The following AHNAK variants were observed in gnomAD, a reference collection of about 807,000 sequenced individuals.
AHNAK encodes the protein AHNAK nucleoprotein.
A neutral mutation model predicts 37.8 loss-of-function variants in AHNAK; 23 were observed. That is an observed-to-expected ratio of 0.61 (90% CI 0.44 to 0.86). The LOEUF (loss-of-function observed/expected upper bound fraction) is 0.86. AHNAK is among the 40% of genes least tolerant of loss of function. The pLI is 0.00. For missense variants in AHNAK, 7,411 were observed against 7,319.4 expected, an observed-to-expected ratio of 1.01 and a Z score of -0.46; for synonymous variants, 2,481 against 2,636.3, an observed-to-expected ratio of 0.94 and a Z score of 1.80.
At chr11:62,494,049 G>T (rs544011610) in intron 4 of AHNAK, among the ~76,000 whole-genome samples, 32 of 152,042 alleles carry the variant, frequency 2.1e-4, no homozygotes, top group Non-Finnish European at 4.3e-4. Context: ...ATGAATGAGT[G>T]GTGAATAAAT....
At chr11:62,536,317 G>C (rs1025856341) in intron 2 of AHNAK, 152 bp downstream of exon 2, 1 of 476,384 alleles carries the variant, frequency 2.1e-6, no homozygotes, top group East Asian at 3.6e-5. Context: ...GCACAGCAAA[G>C]AAGATGGAAA....
Position 62,529,440 on chromosome 11 carries a change from G to A in AHNAK, c.4977C>T (p.Asp1659=). The A allele has an allele frequency of 6.2e-7, 1 of 1,613,958 alleles. No individual in the cohort carries two copies. ...KAPKISMPDV[D]LHLKGPKVKG... ...TGACTTTGGGGCCTTTCAAGTGTAA[G>A]TCCACATCGGGCATGGAGATCTTGG... Residue 1659 remains aspartate (D), a synonymous_variant, in exon 5 of 5, where the codon GAC becomes GAT. Transcript: ENST00000378024.
chr11:62,531,952 T>C lies in AHNAK; in HGVS notation c.2465A>G (p.Asp822Gly), dbSNP rs750856869. Residue 822 changes from aspartate to glycine, a missense_variant, in exon 5 of 5, where the codon GAT (aspartate) becomes GGT (glycine). Transcript: ENST00000378024. ...NIKVPKISMP[D>G]VDLHLKGPNV... is the part of the protein sequence containing the mutation. The stretch of plus-strand genomic sequence containing the variant: ...AGGGCCTTTCAGATGTAAGTCCACA[T>C]CAGGCATGGAGATCTTGGGGACTTT... The C allele has an allele frequency of 1.2e-6, 2 of 1,614,112 alleles. No individual in the cohort carries two copies. The highest frequency in any genetic ancestry group is 2.7e-5 in the African/African-American group (2 of 74,922).
rs199846586 is a variant in AHNAK at position 62,521,379 on chromosome 11, C to T, written c.13038G>A (p.Glu4346=). Residue 4346 remains glutamate (E), a synonymous_variant, in exon 5 of 5, where the codon GAG becomes GAA. Transcript: ENST00000378024. ...CAATGTCCACTTTGGGGCCAGAAATCTCAATGTCAGCCTTAGGAAGGGTAA... is the reference window on the plus strand; with the variant it reads ...CAATGTCCACTTTGGGGCCAGAAATTTCAATGTCAGCCTTAGGAAGGGTAA... ...VDVTLPKADI[E]ISGPKVDIDA... 2.4e-5 allele frequency: 39 copies of T among 1,612,808 alleles called. No homozygotes were observed. In the East Asian group the frequency reaches 8.7e-4, roughly 36 times the overall value.
chr11:62,460,881 G>A (rs1003345529), intron 5 of AHNAK, among the ~76,000 whole-genome samples: 3 of 152,004 alleles, frequency 2.0e-5, no homozygotes, highest in African/African-American at 7.3e-5. Flanking sequence ...GAGTGCAGTG[G>A]CCGATCTCGG....
rs751267774 is a variant in AHNAK at position 62,517,527 on chromosome 11, T to C, written c.16890A>G (p.Gly5630=). The change falls in exon 5 of 5, where the codon GGA becomes GGG. Residue 5630 remains glycine, a synonymous_variant. Coordinates refer to ENST00000378024, the MANE Select transcript of AHNAK (RefSeq NM_001620.3). ...CAGGAGCCTGGAGTCCAATCTGACC[T>C]CCTTTCACACCTCCTTCCACCTTTG... The part of the protein sequence containing the change: ...SGPKVEGGVK[G]GQIGLQAPGL... 1.9e-6 allele frequency: 3 copies of C among 1,614,042 alleles called. No individual in the cohort carries two copies. In the African/African-American group the frequency reaches 4.0e-5, roughly 22 times the overall value.
At chr11:62,466,424 T>TCTGTTAAG (rs1699636487) in intron 5 of AHNAK, among the ~76,000 whole-genome samples, 1 of 152,080 alleles carries the variant, frequency 6.6e-6, no homozygotes, top group Non-Finnish European at 1.5e-5. Context: ...TTCTTGGCTG[T>TCTGTTAAG]CTGTTAAGGA....
Position 62,520,645 on chromosome 11 carries a change from G to C in AHNAK, c.13772C>G (p.Pro4591Arg). ...GTCAACTTCAGGCATAGAGATCTTC[G>C]GTGCCTTGAGGTGTAAGTCAGGCAT... ...FKMPDLHLKA[P>R]KISMPEVDLN... The change falls in exon 5 of 5, where the codon CCG (proline) becomes CGG (arginine). Residue 4591 changes from proline (P) to arginine (R), a missense_variant. Transcript: ENST00000378024. The C allele has an allele frequency of 6.2e-7, 1 of 1,614,064 alleles. No homozygotes were observed. Among genetic ancestry groups the C allele is most frequent in the South Asian group, 1.1e-5 (1 of 91,076 alleles).
At chr11:62,497,878 C>A (rs1208430007) in intron 4 of AHNAK, among the ~76,000 whole-genome samples, 1 of 151,846 alleles carries the variant, frequency 6.6e-6, no homozygotes, top group Non-Finnish European at 1.5e-5. Context: ...GCAGGAGAAT[C>A]GCTTGAACCT....
Position 62,525,193 on chromosome 11 carries a change from T to G in AHNAK, c.9224A>C (p.Lys3075Thr). Residue 3075 changes from lysine (K) to threonine (T), a missense_variant, in exon 5 of 5, where the codon AAA becomes ACA. Physicochemically the swap from Lys to Thr is moderately conservative, Grantham distance 78 (BLOSUM62 -1). Transcript: ENST00000378024. The stretch of plus-strand genomic sequence containing the variant: ...CTCAGGCATTTTGAATTTGGGACCT[T>G]TCAACTTTCCCTCTGGGCCTTCGAT... Reference protein sequence around the residue: ...VNIEGPEGKLKGPKFKMPEMN... With the variant: ...VNIEGPEGKLTGPKFKMPEMN... 6.2e-7 allele frequency: 1 copy of G among 1,611,462 alleles called. No individual in the cohort carries two copies. The highest frequency in any genetic ancestry group is 8.5e-7 in the Non-Finnish European group (1 of 1,179,376).
chr11:62,503,037 C>T (rs1939739930), intron 4 of AHNAK, among the ~76,000 whole-genome samples: 1 of 152,188 alleles, frequency 6.6e-6, no homozygotes, highest in South Asian at 2.1e-4. Context: ...CTTACTGAAG[C>T]ATTTCTGTCC....
intron 4 of AHNAK, among the ~76,000 whole-genome samples, chr11:62,495,335 A>C (rs1347106747): frequency 6.6e-6 from 1 of 152,232 alleles, no homozygotes; most frequent in Non-Finnish European, 1.5e-5. Context: ...CAGTATATTC[A>C]AGATAAGAAG....
chr11:62,516,955 T>A lies in AHNAK; in HGVS notation c.17462A>T (p.Lys5821Ile). ...GKVKGKHGKL[K>I]FGTFGGLGSK... Reference sequence around the variant, plus strand: ...CCCCAATCCACCAAAGGTACCGAATTTCAGCTTCCCGTGTTTCCCTTTAAC... The same window carrying A: ...CCCCAATCCACCAAAGGTACCGAATATCAGCTTCCCGTGTTTCCCTTTAAC... The change falls in exon 5 of 5, where the codon AAA becomes ATA. Residue 5821 changes from lysine to isoleucine, a missense_variant. Transcript: ENST00000378024. 1 of 1,614,170 alleles carries A rather than the reference T, an allele frequency of 6.2e-7. No homozygotes were observed. Among genetic ancestry groups the A allele is most frequent in the Non-Finnish European group, 8.5e-7 (1 of 1,180,028 alleles).
intron 5 of AHNAK, among the ~76,000 whole-genome samples, chr11:62,455,965 G>A (rs1304093787): frequency 6.6e-6 from 1 of 152,042 alleles, no homozygotes; most frequent in African/African-American, 2.4e-5. Context: ...CTTGAACCTG[G>A]GAGGCGTAAG....
In AHNAK at chr11:62,484,981, G is replaced by C. The variant is rs137961966; in HGVS notation, c.442+6751C>G. ...ATTTTGTATTTTTAGTAGAGACGGG[G>C]TTTCTCCATGTTGGCCAGGCTGGTC... On this transcript the variant is annotated intron_variant, in intron 5 of 5. Coordinates refer to the AHNAK transcript ENST00000257247. Among the ~76,000 whole-genome samples, 876 of 152,200 alleles carry C rather than the reference G, an allele frequency of 5.8e-3. 8 individuals are homozygous for C. Among genetic ancestry groups the C allele is most frequent in the South Asian group, 0.014 (67 of 4,824 alleles).
In AHNAK at chr11:62,531,995, T is replaced by A; in HGVS notation, c.2422A>T (p.Met808Leu). ...EGKLKGPKFK[M>L]PEMNIKVPKI... is the part of the protein sequence containing the mutation. ...GGGACTTTGATGTTCATCTCAGGCATCTTAAACTTGGGCCCTTTCAATTTC... is the reference window on the plus strand; with the variant it reads ...GGGACTTTGATGTTCATCTCAGGCAACTTAAACTTGGGCCCTTTCAATTTC... The change falls in exon 5 of 5, where the codon ATG becomes TTG. Residue 808 changes from methionine to leucine, a missense_variant. Physicochemically the swap from Met to Leu is conservative, Grantham distance 15. Transcript: ENST00000378024. 2 of 1,612,704 alleles carry A rather than the reference T, an allele frequency of 1.2e-6. No homozygotes were observed. The highest frequency in any genetic ancestry group is 1.7e-6 in the Non-Finnish European group (2 of 1,179,674).
chr11:62,530,909 T>A lies in AHNAK; in HGVS notation c.3508A>T (p.Ser1170Cys), dbSNP rs1940719047. The A allele has an allele frequency of 6.2e-7, 1 of 1,613,530 alleles. No homozygotes were observed. The highest frequency in any genetic ancestry group is 8.5e-7 in the Non-Finnish European group (1 of 1,179,946). ...PKVDIEAPDV[S>C]LEGPEGKLKG... is the part of the protein sequence containing the mutation. Reference sequence around the variant, plus strand: ...AGCTTCCCTTCTGGACCTTCGAGGCTCACATCTGGGGCTTCGATGTCCACC... The same window carrying A: ...AGCTTCCCTTCTGGACCTTCGAGGCACACATCTGGGGCTTCGATGTCCACC... The change falls in exon 5 of 5, where the codon AGC (serine) becomes TGC (cysteine). Residue 1170 changes from serine (S) to cysteine (C), a missense_variant. Transcript: ENST00000378024.
Position 62,532,329 on chromosome 11 carries a change from C to A in AHNAK, c.2088G>T (p.Lys696Asn), listed in dbSNP as rs773183640. 1 of 1,614,192 alleles carries A rather than the reference C, an allele frequency of 6.2e-7. No homozygotes were observed. Among genetic ancestry groups the A allele is most frequent in the Admixed American group, 1.7e-5 (1 of 60,024 alleles). Residue 696 changes from lysine (K) to asparagine (N), a missense_variant, in exon 5 of 5, where the codon AAG (lysine) becomes AAT (asparagine). Coordinates refer to ENST00000378024, the MANE Select transcript of AHNAK (RefSeq NM_001620.3). ...KLPDMSVKTP[K>N]ISMPDVDLHV... Reference sequence around the variant, plus strand: ...GCAAATCTACATCAGGCATGGAGATCTTTGGTGTCTTGACACTCATATCAG... The same window carrying A: ...GCAAATCTACATCAGGCATGGAGATATTTGGTGTCTTGACACTCATATCAG...
Position 62,518,118 on chromosome 11 carries a change from C to CAGTT in AHNAK, c.16295_16298dup (p.Lys5434ThrfsTer23). The CAGTT allele has an allele frequency of 6.2e-7, 1 of 1,614,172 alleles. No homozygotes were observed. The highest frequency in any genetic ancestry group is 8.5e-7 in the Non-Finnish European group (1 of 1,180,022). On this transcript the variant is annotated frameshift_variant, in exon 5 of 5. Coordinates refer to ENST00000378024, the MANE Select transcript of AHNAK (RefSeq NM_001620.3). LOFTEE classifies it high-confidence loss of function. ...GGTTCACATCCACACCTGGCCCCTT[C>CAGTT]AGTTCGCCAGAAACCTGTGGCCCCT...
Sources: allele counts gnomAD v4.1 joint callset (sites outside exome capture counted in the v4.1 genomes callset), GRCh38; gene constraint gnomAD v4.1.1; transcripts MANE v1.5; gene names NCBI Gene and HGNC (gene_info 2026-07-23, HGNC 2026-07-21).